PCDHA3: variants seen among roughly 807,000 people sequenced by gnomAD.
PCDHA3 encodes the protein protocadherin alpha-3.
A neutral mutation model predicts 62.2 loss-of-function variants in PCDHA3; 41 were observed. The ratio of observed to expected loss-of-function variants is 0.66; its 90% confidence interval spans 0.51 to 0.86. PCDHA3 has a LOEUF of 0.86. Ranked by LOEUF, PCDHA3 falls within the 40% of genes least tolerant of loss-of-function variation. PCDHA3 has a pLI of 0.00. For synonymous variants in PCDHA3, 640 were observed against 555.4 expected (o/e 1.15, Z -2.14); for missense variants, 1,304 against 1,241.2 (o/e 1.05, Z -0.76).
At chr5:140,906,494 G>C (rs1327823813) in intron 1 of PCDHA3, among the ~76,000 whole-genome samples, 4 of 152,196 alleles carry the variant, frequency 2.6e-5, no homozygotes, top group African/African-American at 9.7e-5. Context: ...GCACAAACAT[G>C]TTTTTAACAA....
At chr5:140,829,719 C>A (rs781943125) in intron 1 of PCDHA3, 1 of 1,613,542 alleles carries the variant, frequency 6.2e-7, no homozygotes, top group Non-Finnish European at 8.5e-7. Flanking sequence ...GCGGGCGTGC[C>A]GCCTCTGGGC....
chr5:140,966,826 GC>G, intron 1 of PCDHA3: 1 of 1,560,690 alleles, frequency 6.4e-7, no homozygotes, highest in Non-Finnish European at 8.6e-7. Flanking sequence ...GGCGGCCCAT[GC>G]CCTGGCTGCT....
chr5:140,869,043 A>G, intron 1 of PCDHA3: 2 of 1,530,132 alleles, frequency 1.3e-6, no homozygotes, highest in Non-Finnish European at 1.8e-6. Flanking sequence ...TTAACCTGAA[A>G]CTGAAGAATC....
chr5:140,822,416 C>G (rs1767302575), intron 1 of PCDHA3: 1 of 1,614,024 alleles, frequency 6.2e-7, no homozygotes. Context: ...GTGATTGCAA[C>G]TGATGGAGGA....
chr5:140,862,794 G>A (rs1554156969), intron 1 of PCDHA3: 1 of 575,742 alleles, frequency 1.7e-6, no homozygotes, highest in Non-Finnish European at 3.3e-6. Flanking sequence ...ACTACGAGGA[G>A]CTGGAGCTGC....
intron 1 of PCDHA3, among the ~76,000 whole-genome samples, chr5:140,953,230 A>G (rs782703084): frequency 2.0e-5 from 3 of 152,180 alleles, no homozygotes; most frequent in Non-Finnish European, 4.4e-5. Context: ...TCTGCTTGGT[A>G]GCAGTTCAAA....
Position 140,851,565 on chromosome 5 carries a change from G to T in PCDHA3, c.2394+47974G>T, listed in dbSNP as rs558874725. Reference sequence around the variant, plus strand: ...TTCAAGAAATGTTGACTGAAATTTTGTCTACACTTAGAACATTTTTTGAAA... The same window carrying T: ...TTCAAGAAATGTTGACTGAAATTTTTTCTACACTTAGAACATTTTTTGAAA... On this transcript the variant is annotated intron_variant, in intron 1 of 3. Transcript: ENST00000522353. The T allele has an allele frequency of 3.3e-6, 3 of 908,000 alleles. No homozygotes were observed. In the African/African-American group the frequency reaches 5.4e-5, roughly 16 times the overall value. 56.2% of individuals were successfully genotyped at this position (908,000 alleles called of 1,614,324 possible).
At chr5:140,969,514 G>T (rs2096339995) in intron 1 of PCDHA3, 3 of 1,414,044 alleles carry the variant, frequency 2.1e-6, no homozygotes, top group Admixed American at 2.8e-5. Flanking sequence ...TAGCACTAAA[G>T]AATTGTTTTA....
chr5:140,964,701 C>T (rs1228970267), intron 1 of PCDHA3, among the ~76,000 whole-genome samples: 2 of 151,776 alleles, frequency 1.3e-5, no homozygotes, highest in Non-Finnish European at 2.9e-5. Context: ...GAGATTAAGG[C>T]CTCCGAGATC....
intron 1 of PCDHA3, chr5:140,867,389 A>T (rs906088628): frequency 6.6e-5 from 10 of 152,166 alleles, no homozygotes; most frequent in Non-Finnish European, 1.2e-4. Context: ...TAACGGTTAT[A>T]AAAGTTGATA....
chr5:140,823,930 G>A (rs2150130478), intron 1 of PCDHA3: 3 of 1,613,968 alleles, frequency 1.9e-6, no homozygotes, highest in Non-Finnish European at 2.5e-6. Context: ...GCTGTACACC[G>A]CGCTGCGGTG....
rs1554217734 is a variant in PCDHA3, at chr5:140,946,611, A to AATATATATATATATAT, written c.2395-32332_2395-32317dup. Among the ~76,000 whole-genome samples, 269 of 86,770 alleles carry AATATATATATATATAT rather than the reference A, an allele frequency of 3.1e-3. 3 individuals carry two copies. The highest frequency in any genetic ancestry group is 0.011 in the Middle Eastern group (2 of 186). 56.9% of individuals were successfully genotyped at this position (86,770 alleles called of 152,430 possible). A position where few individuals can be genotyped will look rare whatever the true frequency, so the allele number is the denominator to read the frequency against. On this transcript the variant is annotated intron_variant, in intron 1 of 3. Coordinates refer to ENST00000522353, the MANE Select transcript of PCDHA3 (RefSeq NM_018906.3). ...GGATGAATAGATAAAGAAAATGTGAAATATATATATATATATATATACAAT... is the reference window on the plus strand; with the variant it reads ...GGATGAATAGATAAAGAAAATGTGAAATATATATATATATATATATATATATATATATATATACAAT...
chr5:140,989,727 A>G (rs1203211477), intron 3 of PCDHA3, among the ~76,000 whole-genome samples: 2 of 152,308 alleles, frequency 1.3e-5, no homozygotes, highest in East Asian at 3.9e-4. Flanking sequence ...TTTGCAGTTG[A>G]AAAGGCCATT....
chr5:140,929,352 C>T (rs782815841), intron 1 of PCDHA3: 8 of 1,526,758 alleles, frequency 5.2e-6, no homozygotes, highest in Admixed American at 2.1e-5. Flanking sequence ...GAATTTGATT[C>T]CTTTGGCCCG....
At position 141,011,610 on chromosome 5, in the gene PCDHA3, A is replaced by G. The variant is rs1259686391; in HGVS notation, c.*1673A>G. ...ACTGGTGATTCAAGGAATTTTATTT[A>G]TGGTCCAGCCAAGAGCCATCTCGTG... On this transcript the variant is annotated 3_prime_UTR_variant, in exon 4 of 4. Transcript: ENST00000522353. 6 of 153,722 alleles carry G rather than the reference A, an allele frequency of 3.9e-5. No individual in the cohort carries two copies. Among genetic ancestry groups the G allele is most frequent in the African/African-American group, 1.2e-4 (5 of 41,448 alleles). 9.5% of individuals were successfully genotyped at this position (153,722 alleles called of 1,614,324 possible). A position where few individuals can be genotyped will look rare whatever the true frequency, so the allele number is the denominator to read the frequency against.
At chr5:140,948,563 AT>A (rs1400147953) in intron 1 of PCDHA3, among the ~76,000 whole-genome samples, 1 of 151,546 alleles carries the variant, frequency 6.6e-6, no homozygotes, top group East Asian at 1.9e-4. Context: ...GTTAAGTTGT[AT>A]TTTTTAAAGG....
chr5:140,815,438 A>T (rs1765726123), intron 1 of PCDHA3: 1 of 152,134 alleles, frequency 6.6e-6, no homozygotes, highest in African/African-American at 2.4e-5. Flanking sequence ...TAGCATCTTT[A>T]CTACAATCAC....
At position 140,853,823 on chromosome 5, in the gene PCDHA3, T is replaced by C. The variant is rs1332082202; in HGVS notation, c.2394+50232T>C. On this transcript the variant is annotated intron_variant, in intron 1 of 3. Transcript: ENST00000522353. ...TAAAGCACACCTGAGATGATTCTCA[T>C]ACAACCGAAATTTTAGATCCATAGC... 6.3e-5 allele frequency: 62 copies of C among 986,786 alleles called. 2 individuals are homozygous for C. The highest frequency in any genetic ancestry group is 7.3e-5 in the Non-Finnish European group (60 of 818,922). The allele number at this position is 986,786 out of a possible 1,614,324, so 61.1% of individuals were successfully genotyped here. A position where few individuals can be genotyped will look rare whatever the true frequency, so the allele number is the denominator to read the frequency against.
chr5:140,831,520 CTTTTTTT>C (rs35178185), intron 1 of PCDHA3, among the ~76,000 whole-genome samples: 8 of 122,400 alleles, frequency 6.5e-5, no homozygotes, highest in African/African-American at 9.5e-5. Context: ...TGCCCCCCAC[CTTTTTTT>C]TTTTTTTTTT....
Sources: gnomAD v4.1 joint callset for allele counts (sites outside exome capture counted in the v4.1 genomes callset) on GRCh38, gnomAD v4.1.1 for gene constraint, MANE v1.5 for transcripts, NCBI Gene and HGNC (gene_info 2026-07-23, HGNC 2026-07-21) for gene names.